JCAD: variants seen among roughly 807,000 people sequenced by gnomAD.
JCAD encodes the protein junctional cadherin 5-associated protein.
A neutral mutation model predicts 98.0 loss-of-function variants in JCAD; 40 were observed. The observed-to-expected ratio is 0.41, with a 90% CI of 0.32 to 0.53. The LOEUF is 0.53. Ranked by LOEUF, JCAD falls within the 20% of genes least tolerant of loss-of-function variation. The probability of loss-of-function intolerance (pLI) is 0.31; values close to 1 mark genes in which losing one functional copy is unlikely to be tolerated. For synonymous variants in JCAD, 691 were observed against 682.3 expected (o/e 1.01, Z -0.20); for missense variants, 1,705 against 1,738.1 (o/e 0.98, Z 0.34).
intron 2 of JCAD, among the ~76,000 whole-genome samples, chr10:30,042,909 T>C (rs913130410): frequency 2.0e-5 from 3 of 152,208 alleles, no homozygotes; most frequent in African/African-American, 4.8e-5. Context: ...GGTCCCACAG[T>C]CAGGCTTCAC....
Position 30,027,465 on chromosome 10 carries a change from T to G in JCAD, c.2683A>C (p.Arg895=), listed in dbSNP as rs1207314504. ...ACAGGGCTCTCCGGCACCCACATCC[T>G]CGGCTGTGGCTCAACCCTCATTTCC... ...SPEMRVEPQP[R]MWVPESPVCR... is the part of the protein sequence containing the mutation. The change falls in exon 3 of 4, where the codon AGG becomes CGG. Residue 895 remains arginine (R), a synonymous_variant. Coordinates refer to ENST00000375377, the MANE Select transcript of JCAD (RefSeq NM_020848.4). 1 of 1,605,542 alleles carries G rather than the reference T, an allele frequency of 6.2e-7. No homozygotes were observed. The highest frequency in any genetic ancestry group is 8.5e-7 in the Non-Finnish European group (1 of 1,179,986).
chr10:30,050,314 CAAAAAAAAA>C lies in JCAD; in HGVS notation c.-59-2452_-59-2444del, dbSNP rs61421356. Among the ~76,000 whole-genome samples the C allele has an allele frequency of 1.3e-3, 53 of 41,764 alleles. No individual in the cohort carries two copies. The Middle Eastern group carries it at 0.074, about 58-fold the overall frequency. 27.4% of individuals were successfully genotyped at this position (41,764 alleles called of 152,430 possible). ...TGAGTGACACAGCAAGACCCTGTCT[CAAAAAAAAA>C]AAAAAAAAAAAAAAAAAAAGAAAGA... is the stretch of plus-strand genomic sequence containing the variant. On this transcript the variant is annotated intron_variant, in intron 1 of 3. Coordinates refer to ENST00000375377, the MANE Select transcript of JCAD (RefSeq NM_020848.4).
chr10:30,044,643 G>T, intron 2 of JCAD: 1 of 192,364 alleles, frequency 5.2e-6, no homozygotes, highest in Non-Finnish European at 9.3e-6. Context: ...TTATTCATCA[G>T]ATTCAGAATT....
At chr10:30,054,167 G>A (rs756989679) in intron 1 of JCAD, among the ~76,000 whole-genome samples, 3 of 152,118 alleles carry the variant, frequency 2.0e-5, no homozygotes, top group African/African-American at 2.4e-5. Flanking sequence ...GTGATACCAC[G>A]CTAAATAATA....
intron 1 of JCAD, among the ~76,000 whole-genome samples, chr10:30,092,064 A>AAAATAT (rs1554802503): frequency 1.1e-4 from 2 of 19,032 alleles, no homozygotes; most frequent in Non-Finnish European, 1.7e-4. Context: ...AAAAAAAAAA[A>AAAATAT]ATATATATAT....
intron 1 of JCAD, among the ~76,000 whole-genome samples, chr10:30,073,665 C>CCTTG (rs1554800609): frequency 3.0e-5 from 3 of 98,806 alleles, no homozygotes; most frequent in Non-Finnish European, 6.5e-5. Flanking sequence ...TTCCTTCCTT[C>CCTTG]CTTCCTTCCT....
chr10:30,069,457 A>G (rs1011958427), intron 2 of JCAD, among the ~76,000 whole-genome samples: 158 of 151,092 alleles, frequency 1.0e-3, no homozygotes, highest in Middle Eastern at 3.4e-3. Context: ...AAAAAAAAAA[A>G]AAAAAAAAAA....
intron 3 of JCAD, among the ~76,000 whole-genome samples, chr10:30,019,299 G>T (rs1329603931): frequency 1.3e-5 from 2 of 149,656 alleles, no homozygotes; most frequent in Admixed American, 1.3e-4. Flanking sequence ...GGAGGTTGCT[G>T]TGAGCCGAGA....
intron 2 of JCAD, among the ~76,000 whole-genome samples, chr10:30,039,822 C>CG (rs1837205661): frequency 1.3e-5 from 2 of 152,134 alleles, no homozygotes. Context: ...TCCAGTGGAA[C>CG]GCTGTCGGCA....
chr10:30,111,295 A>C (rs1838697849), intron 1 of JCAD, among the ~76,000 whole-genome samples: 1 of 152,138 alleles, frequency 6.6e-6, no homozygotes, highest in Non-Finnish European at 1.5e-5. Context: ...TTCTTCAAAA[A>C]AATTTTTTTT....
Position 30,018,292 on chromosome 10 carries a change from TCTTC to T in JCAD, c.4046-379_4046-376del, listed in dbSNP as rs1489790448. Among the ~76,000 whole-genome samples, 373 of 116,862 alleles carry T rather than the reference TCTTC, an allele frequency of 3.2e-3. 1 individual carries two copies. The highest frequency in any genetic ancestry group is 0.014 in the African/African-American group (350 of 25,346). The allele number at this position is 116,862 out of a possible 152,430, so 76.7% of individuals were successfully genotyped here. A position where few individuals can be genotyped will look rare whatever the true frequency, so the allele number is the denominator to read the frequency against. On this transcript the variant is annotated intron_variant, in intron 3 of 3. Coordinates refer to ENST00000375377, the MANE Select transcript of JCAD (RefSeq NM_020848.4). ...CTTTCTTTCTTCTTCTTCTTCTTCTTCTTCTTTTTTTTTTTTTGGTAAATTACAG... is the reference window on the plus strand; with the variant it reads ...CTTTCTTTCTTCTTCTTCTTCTTCTTTTTTTTTTTTTTTGGTAAATTACAG...
At chr10:30,075,581 C>G (rs1837966823) in intron 1 of JCAD, among the ~76,000 whole-genome samples, 1 of 152,176 alleles carries the variant, frequency 6.6e-6, no homozygotes, top group Admixed American at 6.5e-5. Flanking sequence ...AAGCCCTACC[C>G]TTTCTTAACC....
intron 1 of JCAD, among the ~76,000 whole-genome samples, chr10:30,113,702 C>G (rs1838745658): frequency 6.6e-6 from 1 of 151,990 alleles, no homozygotes; most frequent in Non-Finnish European, 1.5e-5. Context: ...CTCTCTTCAC[C>G]TAGCACTTCC....
chr10:30,098,695 TA>T (rs760485017), intron 1 of JCAD, among the ~76,000 whole-genome samples: 3 of 152,214 alleles, frequency 2.0e-5, no homozygotes, highest in Non-Finnish European at 1.5e-5. Context: ...CACATCTTCC[TA>T]AAAAATCTCT....
At chr10:30,063,921 C>T (rs1837744175), upstream of JCAD, among the ~76,000 whole-genome samples, 1 of 152,052 alleles carries the variant, frequency 6.6e-6, no homozygotes, top group Non-Finnish European at 1.5e-5. Context: ...ATTCTCCTGC[C>T]TCAGCTTCCT....
intron 1 of JCAD, among the ~76,000 whole-genome samples, chr10:30,086,798 A>T (rs188702187): frequency 1.6e-4 from 24 of 152,380 alleles, no homozygotes; most frequent in African/African-American, 5.8e-4. Flanking sequence ...TTTTATAAAT[A>T]AAGAAGTTAG....
intron 1 of JCAD, among the ~76,000 whole-genome samples, chr10:30,050,536 C>T (rs1837447695): frequency 6.6e-6 from 1 of 152,034 alleles, no homozygotes; most frequent in African/African-American, 2.4e-5. Flanking sequence ...CACTGTACTC[C>T]AAATGGCCAC....
chr10:30,044,717 C>A (rs1306648135), intron 2 of JCAD: 21 of 463,950 alleles, frequency 4.5e-5, no homozygotes, highest in Non-Finnish European at 5.6e-5. Flanking sequence ...TAACTATTGA[C>A]ACCTATTTAC....
upstream of JCAD, among the ~76,000 whole-genome samples, chr10:30,060,477 G>A (rs530752493): frequency 4.2e-4 from 64 of 152,310 alleles, no homozygotes; most frequent in African/African-American, 1.4e-3. Context: ...CAGGGCGAAC[G>A]TTTTCATAAT....
Sources: gnomAD v4.1 joint callset for allele counts (sites outside exome capture counted in the v4.1 genomes callset) on GRCh38, gnomAD v4.1.1 for gene constraint, MANE v1.5 for transcripts, NCBI Gene and HGNC (gene_info 2026-07-23, HGNC 2026-07-21) for gene names.